PDXDC1: variants seen among roughly 807,000 people sequenced by gnomAD.
The protein encoded by PDXDC1 is pyridoxal-dependent decarboxylase domain-containing protein 1.
In PDXDC1, 42 loss-of-function variants were observed where a neutral mutation model predicts 100.1. The ratio of observed to expected loss-of-function variants is 0.42; its 90% CI spans 0.33 to 0.54. The LOEUF is 0.54. PDXDC1 is among the 20% of genes least tolerant of loss of function. The probability of loss-of-function intolerance (pLI) is 0.10; values close to 1 mark genes in which losing one functional copy is unlikely to be tolerated. For synonymous variants in PDXDC1, 260 were observed against 371.7 expected, an observed-to-expected ratio of 0.70 and a Z score of 3.46; for missense variants, 636 against 979.2, an observed-to-expected ratio of 0.65 and a Z score of 4.68.
the PDXDC1 span, chr16:15,150,667 TCAAA>T: frequency 7.3e-6 from 1 of 136,490 alleles, no homozygotes; most frequent in Non-Finnish European, 1.6e-5. Context: ...AGACTCCGTC[TCAAA>T]CAAAACAAAA....
At chr16:15,137,392 C>T in intron 16 of PDXDC1, 1 of 1,513,696 alleles carries the variant, frequency 6.6e-7, no homozygotes, top group Non-Finnish European at 8.9e-7. Context: ...ACCAGCCCTG[C>T]TCCGAGAGGG....
intron 16 of PDXDC1, chr16:15,104,398 A>G (rs2046687532): frequency 1.3e-6 from 2 of 1,594,922 alleles, no homozygotes; most frequent in Non-Finnish European, 1.7e-6. Flanking sequence ...GTGAGCAGAC[A>G]CACTTGGGAG....
intron 16 of PDXDC1, chr16:15,055,598 G>C (rs2044477925): frequency 3.4e-6 from 1 of 292,606 alleles, no homozygotes; most frequent in East Asian, 5.4e-5. Context: ...CGGGGAATGG[G>C]GGTCCCGGCG....
chr16:15,047,498 C>T (rs1392742937), intron 16 of PDXDC1: 1 of 1,614,106 alleles, frequency 6.2e-7, no homozygotes, highest in East Asian at 2.2e-5. Flanking sequence ...TCAAGGGGAC[C>T]TCAGCTTTGG....
At chr16:15,056,564 C>A (rs2044533480) in intron 16 of PDXDC1, among the ~76,000 whole-genome samples, 1 of 152,044 alleles carries the variant, frequency 6.6e-6, no homozygotes, top group South Asian at 2.1e-4. Context: ...TCGCTTGAGG[C>A]CAGGAGTTCG....
chr16:14,993,342 T>C (rs1168465677), intron 1 of PDXDC1, among the ~76,000 whole-genome samples: 1 of 137,332 alleles, frequency 7.3e-6, no homozygotes, highest in Non-Finnish European at 1.5e-5. Context: ...CCTTCCTGTG[T>C]CCATGTATTC....
chr16:15,132,460 C>G (rs2048150489), intron 16 of PDXDC1, among the ~76,000 whole-genome samples: 2 of 146,632 alleles, frequency 1.4e-5, no homozygotes, highest in African/African-American at 5.1e-5. Context: ...GTGGAAGGCA[C>G]AGAACAGCAT....
chr16:15,021,918 A>ATC (rs1203049810), intron 12 of PDXDC1, among the ~76,000 whole-genome samples: 4 of 152,302 alleles, frequency 2.6e-5, no homozygotes, highest in African/African-American at 9.6e-5. Context: ...ACTTTCATGC[A>ATC]TCATCTCATT....
intron 16 of PDXDC1, chr16:15,074,902 A>G (rs376075011): frequency 9.6e-6 from 15 of 1,570,670 alleles, no homozygotes; most frequent in Admixed American, 5.5e-5. Flanking sequence ...AAAAAATTCA[A>G]TGTCAAAGTG....
At chr16:14,994,066 A>G (rs1971456190) in intron 1 of PDXDC1, among the ~76,000 whole-genome samples, 1 of 152,290 alleles carries the variant, frequency 6.6e-6, no homozygotes, top group African/African-American at 2.4e-5. Context: ...TAGACTGCAA[A>G]AATTTTCTCC....
chr16:15,029,867 T>G (rs2042925757), intron 15 of PDXDC1, 84 bp from the exon 16 acceptor site: 1 of 1,282,320 alleles, frequency 7.8e-7, no homozygotes, highest in Admixed American at 2.0e-5. Flanking sequence ...GGCTCTTTGG[T>G]CTGGGGCCGA....
At chr16:15,024,470 G>A (rs1341312565) in intron 13 of PDXDC1, among the ~76,000 whole-genome samples, 6 of 149,920 alleles carry the variant, frequency 4.0e-5, no homozygotes, top group African/African-American at 9.8e-5. Flanking sequence ...GCAGTGGTGC[G>A]ATCTTGGCTC....
chr16:15,101,684 T>C (rs996664359), intron 16 of PDXDC1, among the ~76,000 whole-genome samples: 1 of 146,530 alleles, frequency 6.8e-6, no homozygotes, highest in Non-Finnish European at 1.5e-5. Flanking sequence ...CCCAAAATCA[T>C]GCACTCTAGC....
intron 1 of PDXDC1, among the ~76,000 whole-genome samples, chr16:14,984,899 GAGTCTTGCTCTGTCACCT>G (rs1410457457): frequency 6.6e-6 from 1 of 152,238 alleles, no homozygotes; most frequent in Non-Finnish European, 1.5e-5. Context: ...CCCTGAAACA[GAGTCTTGCTCTGTCACCT>G]AGGCTGGAGT....
chr16:15,048,971 C>T (rs943966097), intron 16 of PDXDC1, among the ~76,000 whole-genome samples: 7 of 148,216 alleles, frequency 4.7e-5, no homozygotes, highest in Non-Finnish European at 1.0e-4. Flanking sequence ...GCTGCCCAGG[C>T]TGGTCTCAAA....
At chr16:15,040,340 G>A (rs780986129), downstream of PDXDC1, 19 of 385,828 alleles carry the variant, frequency 4.9e-5, no homozygotes, top group Admixed American at 8.9e-5. Flanking sequence ...TCCTTCAGTC[G>A]GACATGTAGC....
chr16:15,137,221 G>T, intron 16 of PDXDC1: 1 of 755,154 alleles, frequency 1.3e-6, no homozygotes, highest in Non-Finnish European at 2.2e-6. Context: ...CGGAGGCCAG[G>T]GGTCCGTGGG....
intron 19 of PDXDC1, 125 bp from the exon 20 acceptor site, chr16:15,034,161 C>T (rs1198712711): frequency 2.5e-5 from 19 of 753,448 alleles, no homozygotes; most frequent in African/African-American, 3.5e-5. Context: ...CGTTTTACGC[C>T]GGCTTTTCAA....
chr16:15,080,407 T>C (rs1671799449), intron 16 of PDXDC1, among the ~76,000 whole-genome samples: 1 of 152,202 alleles, frequency 6.6e-6, no homozygotes, highest in South Asian at 2.1e-4. Flanking sequence ...TATTCAGTTA[T>C]GAGACCATCA....
Sources: allele counts gnomAD v4.1 joint callset (sites outside exome capture counted in the v4.1 genomes callset), GRCh38; gene constraint gnomAD v4.1.1; transcripts MANE v1.5; gene names NCBI Gene and HGNC (gene_info 2026-07-23, HGNC 2026-07-21).